The following CLCNKB variants were observed in gnomAD, a reference collection of about 807,000 sequenced individuals.
CLCNKB encodes the protein chloride channel protein ClC-Kb.
CLCNKB carries 74 observed loss-of-function variants against 83.8 expected under a neutral mutation model. The observed-to-expected ratio is 0.88, with a 90% CI of 0.73 to 1.07. The LOEUF is 1.07. CLCNKB is among the 50% of genes least tolerant of loss of function. CLCNKB has a pLI of 0.00. For synonymous variants in CLCNKB, 358 were observed against 356.6 expected (o/e 1.00, Z -0.04); for missense variants, 798 against 893.6 (o/e 0.89, Z 1.36).
Position 16,052,415 on chromosome 1 carries a change from A to G in CLCNKB, c.1622+4A>G, listed in dbSNP as rs575006915. The G allele has an allele frequency of 8.7e-6, 14 of 1,612,872 alleles. No individual in the cohort carries two copies. In the East Asian group the frequency reaches 2.9e-4, roughly 33 times the overall value. ...GGATTCTGGGCCGCAACATCGGGTG[A>G]GTGGTGCCCACCTCAGGCTGACTGA... On this transcript the variant is annotated splice_donor_region_variant and intron_variant, in intron 15 of 19. Coordinates refer to ENST00000375679, the MANE Select transcript of CLCNKB (RefSeq NM_000085.5).
rs2902490 is a variant in CLCNKB at position 16,048,161 on chromosome 1, A to G, written c.498+117A>G. ...GGACTTGGGCTGGTCCCTGCCTTCC[A>G]GGAACTCAGTCTTGGGGGAAGAGGC... On this transcript the variant is annotated intron_variant, in intron 5 of 19. Coordinates refer to ENST00000375679, the MANE Select transcript of CLCNKB (RefSeq NM_000085.5). 0.8 allele frequency: 1,170,478 copies of G among 1,471,358 alleles called. 473,608 individuals carry two copies. The highest frequency in any genetic ancestry group is 0.99 in the East Asian group (40,354 of 40,936). The allele number at this position is 1,471,358 out of a possible 1,614,324, so 91.1% of individuals were successfully genotyped here. A position where few individuals can be genotyped will look rare whatever the true frequency, so the allele number is the denominator to read the frequency against.
At chr1:16,056,340 G>A (rs1251017474) in intron 18 of CLCNKB, 82 bp from the exon 19 acceptor site, 1 of 1,392,612 alleles carries the variant, frequency 7.2e-7, no homozygotes, top group Non-Finnish European at 1.0e-6. Context: ...CCCTCTTCCT[G>A]GCTCAGAGGC....
intron 15 of CLCNKB, among the ~76,000 whole-genome samples, chr1:16,053,314 C>A (rs2023348673): frequency 6.6e-6 from 1 of 152,172 alleles, no homozygotes; most frequent in Non-Finnish European, 1.5e-5. Flanking sequence ...AGGCGTGAGC[C>A]ACCGTGCCCA....
chr1:16,050,416 T>C, intron 10 of CLCNKB, 100 bp from the exon 11 acceptor site: 1 of 1,320,530 alleles, frequency 7.6e-7, no homozygotes, highest in South Asian at 1.2e-5. Flanking sequence ...CCCCCATTCC[T>C]GCTCTTCCTC....
At chr1:16,055,284 C>T in intron 16 of CLCNKB, 151 bp from the exon 17 acceptor site, 1 of 738,034 alleles carries the variant, frequency 1.4e-6, no homozygotes, top group Non-Finnish European at 2.4e-6. Context: ...TGCCTCTGAG[C>T]CAAAGTTTCC....
chr1:16,049,583 C>G (rs1298469214), intron 8 of CLCNKB, 35 bp from the exon 9 acceptor site: 3 of 1,513,588 alleles, frequency 2.0e-6, no homozygotes, highest in African/African-American at 2.7e-5. Flanking sequence ...CGGGTGGGAG[C>G]GCCATCTTGG....
intron 19 of CLCNKB, 82 bp from the exon 20 acceptor site, chr1:16,056,787 T>C: frequency 1.8e-6 from 2 of 1,099,134 alleles, no homozygotes; most frequent in Non-Finnish European, 2.8e-6. Flanking sequence ...GAAACCACCC[T>C]TAGGGGAACC....
At chr1:16,052,805 G>A (rs555608798) in intron 15 of CLCNKB, among the ~76,000 whole-genome samples, 4 of 152,296 alleles carry the variant, frequency 2.6e-5, no homozygotes, top group East Asian at 1.9e-4. Flanking sequence ...GAGGTGGAAC[G>A]AGAATGGAAA....
chr1:16,046,689 C>G, intron 4 of CLCNKB, 26 bp downstream of exon 4: 1 of 1,563,424 alleles, frequency 6.4e-7, no homozygotes, highest in Non-Finnish European at 8.7e-7. Context: ...CTACGCCAGT[C>G]CCCACTGGCC....
At chr1:16,051,607 C>T in intron 13 of CLCNKB, 60 bp downstream of exon 13, 1 of 1,607,814 alleles carries the variant, frequency 6.2e-7, no homozygotes, top group Non-Finnish European at 8.5e-7. Context: ...GACCATGGCT[C>T]CTGGTTCACC....
rs57591489 is a variant in CLCNKB, at chr1:16,045,779, T to TGG, written c.229+100_229+101dup. Reference sequence around the variant, plus strand: ...GGATGTCGCCAGGTGCAGCGGAGGTTGGGGGGGGTGCTCTGGGTGGGGATC... The same window carrying TGG: ...GGATGTCGCCAGGTGCAGCGGAGGTTGGGGGGGGGGTGCTCTGGGTGGGGATC... On this transcript the variant is annotated intron_variant, in intron 3 of 19. Transcript: ENST00000375679. The TGG allele has an allele frequency of 5.5e-5, 32 of 577,318 alleles. No homozygotes were observed. The East Asian group carries it at 1.2e-3, about 21-fold the overall frequency. 35.8% of individuals were successfully genotyped at this position (577,318 alleles called of 1,614,324 possible).
chr1:16,055,677 G>A lies in CLCNKB; in HGVS notation c.1848G>A (p.Gln616=). ...EPPSWAPGHQ[Q]CLQDILAAGC... ...CTGTAACCCTTCCCCACCCCCAGCA[G>A]TGTCTCCAGGACATCTTGGCTGCAG... The change falls in exon 18 of 20, where the codon CAG becomes CAA. Residue 616 remains glutamine, a splice_region_variant and synonymous_variant. Transcript: ENST00000375679. The A allele has an allele frequency of 6.2e-7, 1 of 1,613,816 alleles. No homozygotes were observed. The highest frequency in any genetic ancestry group is 8.5e-7 in the Non-Finnish European group (1 of 1,179,996).
At chr1:16,049,476 C>G in intron 8 of CLCNKB, 142 bp from the exon 9 acceptor site, 1 of 1,529,604 alleles carries the variant, frequency 6.5e-7, no homozygotes, top group Non-Finnish European at 8.9e-7. Flanking sequence ...AGGCAGGAGC[C>G]TGGTTGTGGG....
At chr1:16,046,762 C>G in intron 4 of CLCNKB, 99 bp downstream of exon 4, 1 of 1,480,100 alleles carries the variant, frequency 6.8e-7, no homozygotes, top group Non-Finnish European at 9.4e-7. Flanking sequence ...AGACAAAGGC[C>G]CAGGAAGAGT....
In CLCNKB at chr1:16,049,292, G is replaced by A. The variant is rs771650217; in HGVS notation, c.781+47G>A. The A allele has an allele frequency of 6.2e-6, 10 of 1,608,480 alleles. No individual in the cohort carries two copies. The African/African-American group carries it at 9.4e-5, about 15-fold the overall frequency. On this transcript the variant is annotated intron_variant, in intron 8 of 19. Coordinates refer to ENST00000375679, the MANE Select transcript of CLCNKB (RefSeq NM_000085.5). ...ACCCTGGCCCTGCCTGGGGGCCGGG[G>A]CGAGGGGGCCCTCCCTTCTCCCCTG... is the stretch of plus-strand genomic sequence containing the variant.
chr1:16,052,752 C>T (rs1014771021), intron 15 of CLCNKB, among the ~76,000 whole-genome samples: 3 of 152,174 alleles, frequency 2.0e-5, no homozygotes, highest in African/African-American at 7.2e-5. Flanking sequence ...GGTCTCCTCC[C>T]CTCTCCCCAC....
At position 16,053,981 on chromosome 1, in the gene CLCNKB, C is replaced by T. The variant is rs542663842; in HGVS notation, c.1756+209C>T. ...CCCTCCCTTGGGGTGGTTGACATGT[C>T]TAAAGAGAGTCGGCCGGGTGCTTGT... On this transcript the variant is annotated intron_variant, in intron 16 of 19. Coordinates refer to ENST00000375679, the MANE Select transcript of CLCNKB (RefSeq NM_000085.5). Among the ~76,000 whole-genome samples the T allele has an allele frequency of 1.3e-4, 20 of 152,222 alleles. No individual in the cohort carries two copies. The South Asian group carries it at 3.9e-3, about 30-fold the overall frequency.
At chr1:16,048,726 C>A in intron 7 of CLCNKB, 144 bp downstream of exon 7, 1 of 1,476,332 alleles carries the variant, frequency 6.8e-7, no homozygotes, top group Non-Finnish European at 9.0e-7. Flanking sequence ...GCACAGCCAC[C>A]GCCCCCCACC....
At position 16,049,865 on chromosome 1, in the gene CLCNKB, T is replaced by C. The variant is rs1472440324; in HGVS notation, c.917T>C (p.Phe306Ser). The change falls in exon 10 of 20, where the codon TTC becomes TCC. Residue 306 changes from phenylalanine (F) to serine (S), a missense_variant. Coordinates refer to ENST00000375679, the MANE Select transcript of CLCNKB (RefSeq NM_000085.5). ...GCTTACCTCTTCTGTCAGCGAATCT[T>C]CTTTGGCTTCATCAGGAACAATAGG... ...GSAYLFCQRI[F>S]FGFIRNNRFS... The C allele has an allele frequency of 6.2e-7, 1 of 1,613,790 alleles. No individual in the cohort carries two copies.
Sources: gnomAD v4.1 joint callset for allele counts (sites outside exome capture counted in the v4.1 genomes callset) on GRCh38, gnomAD v4.1.1 for gene constraint, MANE v1.5 for transcripts, NCBI Gene and HGNC (gene_info 2026-07-23, HGNC 2026-07-21) for gene names.